AKAP7: variants seen among roughly 807,000 people sequenced by gnomAD.
AKAP7 encodes A kinase (PRKA) anchor protein 7.
In AKAP7, 39 loss-of-function variants were observed where a neutral mutation model predicts 39.5. The ratio of observed to expected loss-of-function variants is 0.99; its 90% CI spans 0.76 to 1.29. The LOEUF (loss-of-function observed/expected upper bound fraction) is 1.29. AKAP7 is among the 50% of genes most tolerant of loss of function. AKAP7 has a pLI of 0.00. For synonymous variants in AKAP7, 140 were observed against 139.1 expected (o/e 1.01, Z -0.05); for missense variants, 414 against 407.7 (o/e 1.02, Z -0.13).
chr6:131,156,068 T>C (rs1802390979), intron 2 of AKAP7, among the ~76,000 whole-genome samples: 1 of 152,204 alleles, frequency 6.6e-6, no homozygotes, highest in South Asian at 2.1e-4. Flanking sequence ...CAGTGCTGCC[T>C]CTATAAATTG....
chr6:131,246,245 A>T (rs1242248092), intron 7 of AKAP7, among the ~76,000 whole-genome samples: 1 of 152,154 alleles, frequency 6.6e-6, no homozygotes, highest in Admixed American at 6.6e-5. Flanking sequence ...GACAAGAGGC[A>T]GCTGCCACCC....
chr6:131,188,844 C>T (rs1369987774), intron 5 of AKAP7, among the ~76,000 whole-genome samples: 3 of 151,976 alleles, frequency 2.0e-5, no homozygotes, highest in South Asian at 2.1e-4. Context: ...TGAGCCACCT[C>T]GCCTAGCCCC....
chr6:131,196,678 A>C (rs565914514), intron 5 of AKAP7, among the ~76,000 whole-genome samples: 2 of 152,268 alleles, frequency 1.3e-5, no homozygotes, highest in Admixed American at 1.3e-4. Flanking sequence ...TCTTGTCTTT[A>C]GAATTGGCTT....
At chr6:131,127,166 C>T in the AKAP7 span, among the ~76,000 whole-genome samples, 2 of 152,050 alleles carry the variant, frequency 1.3e-5, no homozygotes, top group Admixed American at 6.6e-5. Flanking sequence ...CTGCCTTAGC[C>T]TCCTGAGTAG....
intron 7 of AKAP7, among the ~76,000 whole-genome samples, chr6:131,232,082 G>C (rs1428818710): frequency 2.6e-5 from 4 of 152,100 alleles, no homozygotes; most frequent in Non-Finnish European, 5.9e-5. Flanking sequence ...TAACACAAAG[G>C]GGCAGCTGTG....
rs1431601769 is a variant in AKAP7, at chr6:131,199,441, T to A, written c.590-20T>A. The stretch of plus-strand genomic sequence containing the variant: ...AAAATACTGTAGTAGCATTTCTTTG[T>A]TTCTCTTTATTTTCTTCAGAGACTG... On this transcript the variant is annotated intron_variant, in intron 5 of 7. Transcript: ENST00000431975. 3 of 1,495,810 alleles carry A rather than the reference T, an allele frequency of 2.0e-6. No homozygotes were observed. Among genetic ancestry groups the A allele is most frequent in the Non-Finnish European group, 1.8e-6 (2 of 1,084,796 alleles). 92.7% of individuals were successfully genotyped at this position (1,495,810 alleles called of 1,614,324 possible).
Position 131,135,516 on chromosome 6 carries a change from G to GGCT in AKAP7, c.-245_-243dup, listed in dbSNP as rs1800452949. 1 of 162,172 alleles carries GGCT rather than the reference G, an allele frequency of 6.2e-6. No homozygotes were observed. Among genetic ancestry groups the GGCT allele is most frequent in the Admixed American group, 6.6e-5 (1 of 15,150 alleles). 10.0% of individuals were successfully genotyped at this position (162,172 alleles called of 1,614,324 possible). On this transcript the variant is annotated 5_prime_UTR_variant, in exon 1 of 8. Transcript: ENST00000431975. ...GGCATGCGGGTGCTGCGGCTGCTGC[G>GGCT]GCTGCCGCCGCCGCTGCTGCCGCTG...
At chr6:131,214,504 C>T (rs987619288) in intron 6 of AKAP7, among the ~76,000 whole-genome samples, 12 of 152,110 alleles carry the variant, frequency 7.9e-5, no homozygotes, top group African/African-American at 2.9e-4. Context: ...AATAGCTGGT[C>T]CAGAAAACAT....
intron 7 of AKAP7, among the ~76,000 whole-genome samples, chr6:131,246,816 G>A (rs1215482816): frequency 6.6e-6 from 1 of 152,166 alleles, no homozygotes. Flanking sequence ...ACATTTTTCT[G>A]CATAATATTT....
At chr6:131,148,204 C>T (rs1801629129) in intron 2 of AKAP7, among the ~76,000 whole-genome samples, 1 of 152,172 alleles carries the variant, frequency 6.6e-6, no homozygotes, top group Non-Finnish European at 1.5e-5. Context: ...ACTAGGGGCT[C>T]AGGCCAGTCC....
intron 7 of AKAP7, among the ~76,000 whole-genome samples, chr6:131,225,467 G>A (rs1481830504): frequency 6.6e-6 from 1 of 152,058 alleles, no homozygotes; most frequent in Non-Finnish European, 1.5e-5. Flanking sequence ...TTAGCCTTTT[G>A]TTTGCCATAT....
intron 7 of AKAP7, among the ~76,000 whole-genome samples, chr6:131,277,864 GGTTA>G (rs997641677): frequency 3.3e-5 from 5 of 152,040 alleles, no homozygotes; most frequent in Admixed American, 1.3e-4. Context: ...TTGGTTGGTT[GGTTA>G]GTTAGTTATT....
chr6:131,229,601 T>A (rs1330148736), intron 7 of AKAP7, among the ~76,000 whole-genome samples: 1 of 152,118 alleles, frequency 6.6e-6, no homozygotes, highest in Non-Finnish European at 1.5e-5. Flanking sequence ...CACCTTGGCC[T>A]CCCAAAGTGG....
At position 131,202,937 on chromosome 6, in the gene AKAP7, C is replaced by T. The variant is rs959792766; in HGVS notation, c.702+3364C>T. 2.0e-5 allele frequency among the ~76,000 whole-genome samples: 3 copies of T among 152,112 alleles called. No homozygotes were observed. The East Asian group carries it at 5.8e-4, about 29-fold the overall frequency. ...TTAGATATGGGGATTCGCAAGTCAGCCGGCGTACTGGTTGAAGCTTCAGAT... is the reference window on the plus strand; with the variant it reads ...TTAGATATGGGGATTCGCAAGTCAGTCGGCGTACTGGTTGAAGCTTCAGAT... On this transcript the variant is annotated intron_variant, in intron 6 of 7. Transcript: ENST00000431975.
chr6:131,158,381 A>G (rs1260008701), intron 2 of AKAP7, among the ~76,000 whole-genome samples: 8 of 152,234 alleles, frequency 5.3e-5, no homozygotes, highest in African/African-American at 1.9e-4. Context: ...AGGTGATCCC[A>G]AAGATGAAAC....
At chr6:131,214,349 A>G (rs1035876936) in intron 6 of AKAP7, among the ~76,000 whole-genome samples, 4 of 152,220 alleles carry the variant, frequency 2.6e-5, no homozygotes, top group Non-Finnish European at 4.4e-5. Flanking sequence ...AAGCCTGAAC[A>G]TTAAACCAGA....
chr6:131,253,130 T>C (rs1253007216), intron 7 of AKAP7: 1 of 1,599,060 alleles, frequency 6.3e-7, no homozygotes, highest in Non-Finnish European at 8.6e-7. Context: ...ACCCCTCCCC[T>C]CTCCTGCTGC....
In AKAP7 at chr6:131,282,532, G is replaced by A. The variant is rs1285655237; in HGVS notation, c.*806G>A. ...AGACTCAGGCCAGAATTAGGAGGGA[G>A]CTTTTTGAAGGAAGACTTATTAACA... On this transcript the variant is annotated 3_prime_UTR_variant, in exon 8 of 8. Transcript: ENST00000431975. The A allele has an allele frequency of 6.5e-7, 1 of 1,535,702 alleles. No individual in the cohort carries two copies. The highest frequency in any genetic ancestry group is 1.4e-5 in the African/African-American group (1 of 72,994).
At chr6:131,277,635 A>G (rs554558245) in intron 7 of AKAP7, among the ~76,000 whole-genome samples, 4 of 152,318 alleles carry the variant, frequency 2.6e-5, no homozygotes, top group South Asian at 4.1e-4. Context: ...ATTAAGTTGA[A>G]TTAGGTCTGC....
Sources: allele counts gnomAD v4.1 joint callset (sites outside exome capture counted in the v4.1 genomes callset), GRCh38; gene constraint gnomAD v4.1.1; transcripts MANE v1.5; gene names NCBI Gene and HGNC (gene_info 2026-07-23, HGNC 2026-07-21).